The following RIMKLB variants were observed in gnomAD, a reference collection of about 807,000 sequenced individuals.
RIMKLB encodes beta-citrylglutamate synthase B.
RIMKLB carries 7 observed loss-of-function variants against 32.0 expected under a neutral mutation model. The ratio of observed to expected loss-of-function variants is 0.22; its 90% confidence interval spans 0.12 to 0.41. RIMKLB has a LOEUF of 0.41. RIMKLB is among the 10% of genes least tolerant of loss of function. The pLI is 1.00. For missense variants in RIMKLB, 289 were observed against 498.7 expected, an observed-to-expected ratio of 0.58 and a Z score of 4.00; for synonymous variants, 172 against 185.1, an observed-to-expected ratio of 0.93 and a Z score of 0.57.
rs1950610746 is a variant in RIMKLB, at chr12:8,774,450, G to A, written c.*666G>A. 2 of 985,308 alleles carry A rather than the reference G, an allele frequency of 2.0e-6. No homozygotes were observed. The highest frequency in any genetic ancestry group is 3.5e-5 in the African/African-American group (2 of 57,174). The allele number at this position is 985,308 out of a possible 1,614,324, so 61.0% of individuals were successfully genotyped here. A position where few individuals can be genotyped will look rare whatever the true frequency, so the allele number is the denominator to read the frequency against. Reference sequence around the variant, plus strand: ...AAATGGAAATGAACAGTATTGCAATGTCCGGTATACAAAATAACATTAATT... The same window carrying A: ...AAATGGAAATGAACAGTATTGCAATATCCGGTATACAAAATAACATTAATT... On this transcript the variant is annotated 3_prime_UTR_variant, in exon 6 of 6. Coordinates refer to ENST00000535829, the MANE Select transcript of RIMKLB (RefSeq NM_001297776.2).
At chr12:8,781,071 T>C (rs1251608544), downstream of RIMKLB, among the ~76,000 whole-genome samples, 1 of 152,242 alleles carries the variant, frequency 6.6e-6, no homozygotes, top group African/African-American at 2.4e-5. Flanking sequence ...CCACGTACTG[T>C]GGCTCACGCC....
chr12:8,679,329 C>CCCG (rs1381609948), upstream of RIMKLB, among the ~76,000 whole-genome samples: 1 of 151,922 alleles, frequency 6.6e-6, no homozygotes, highest in Admixed American at 6.5e-5. Flanking sequence ...ATTACAGGCA[C>CCCG]CCGCCACCAC....
intron 1 of RIMKLB, among the ~76,000 whole-genome samples, chr12:8,707,519 T>C (rs959330073): frequency 2.6e-5 from 4 of 152,188 alleles, no homozygotes; most frequent in African/African-American, 9.7e-5. Flanking sequence ...CCAATCCTTT[T>C]GGGTTTTTTG....
At chr12:8,782,809 G>T (rs948978005) in intron 7 of RIMKLB, 8 of 152,062 alleles carry the variant, frequency 5.3e-5, no homozygotes, top group African/African-American at 1.7e-4. Context: ...ATGTTTTATT[G>T]TCATGTTAGT....
intron 2 of RIMKLB, among the ~76,000 whole-genome samples, chr12:8,732,111 T>C (rs1253266591): frequency 6.6e-6 from 1 of 152,050 alleles, no homozygotes; most frequent in Non-Finnish European, 1.5e-5. Flanking sequence ...GAACTTTTAT[T>C]GTGGACTGGA....
At position 8,708,053 on chromosome 12, in the gene RIMKLB, A is replaced by C. The variant is rs894151218; in HGVS notation, c.-56-5758A>C. On this transcript the variant is annotated intron_variant, in intron 1 of 5. Transcript: ENST00000535829. ...CTATACAGATTCCACTGTGTGTTAC[A>C]GTAGAGTTCTATACAGATTCCACTG... is the stretch of plus-strand genomic sequence containing the variant. 6.6e-5 allele frequency among the ~76,000 whole-genome samples: 10 copies of C among 152,232 alleles called. No homozygotes were observed. The East Asian group carries it at 1.7e-3, about 26-fold the overall frequency.
chr12:8,693,853 C>A (rs1942804703), upstream of RIMKLB, among the ~76,000 whole-genome samples: 1 of 152,066 alleles, frequency 6.6e-6, no homozygotes, highest in Non-Finnish European at 1.5e-5. Context: ...TATTAAAATC[C>A]CCTGGAGGGC....
At chr12:8,669,896 G>A in the RIMKLB span, among the ~76,000 whole-genome samples, 12 of 151,538 alleles carry the variant, frequency 7.9e-5, no homozygotes, top group East Asian at 1.9e-4. Context: ...GCGTGGTGGC[G>A]GGTGCCTGTA....
At chr12:8,671,211 C>G in the RIMKLB span, among the ~76,000 whole-genome samples, 1 of 152,054 alleles carries the variant, frequency 6.6e-6, no homozygotes, top group African/African-American at 2.4e-5. Context: ...GTTTCTGCAG[C>G]TGGCTTGAAT....
chr12:8,748,120 A>G (rs1948269933), intron 2 of RIMKLB, among the ~76,000 whole-genome samples: 1 of 152,198 alleles, frequency 6.6e-6, no homozygotes, highest in Admixed American at 6.5e-5. Context: ...GGGAAAATAC[A>G]TACTAATAAC....
chr12:8,777,271 TA>T (rs1172429111), downstream of RIMKLB: 47 of 975,624 alleles, frequency 4.8e-5, no homozygotes, highest in African/African-American at 8.3e-4. Flanking sequence ...AAGTTTCATT[TA>T]AAATACATTT....
At position 8,723,900 on chromosome 12, in the gene RIMKLB, T is replaced by C. The variant is rs770758465; in HGVS notation, c.175+9859T>C. ...TGCAGTCCTGGCTCACTGCAACCTC[T>C]TGCCTCCTGGGCTCAAGCAATCTTT... On this transcript the variant is annotated intron_variant, in intron 2 of 5. Transcript: ENST00000535829. Among the ~76,000 whole-genome samples, 3 of 146,358 alleles carry C rather than the reference T, an allele frequency of 2.0e-5. No homozygotes were observed. The Admixed American group carries it at 2.1e-4, about 10-fold the overall frequency.
chr12:8,723,851 G>A (rs1047242953), intron 2 of RIMKLB, among the ~76,000 whole-genome samples: 26 of 113,524 alleles, frequency 2.3e-4, no homozygotes, highest in African/African-American at 8.7e-4. Context: ...TTTCTCTGTC[G>A]TTCAGGCTGC....
At chr12:8,705,762 C>T (rs1322528763) in intron 1 of RIMKLB, among the ~76,000 whole-genome samples, 1 of 152,150 alleles carries the variant, frequency 6.6e-6, no homozygotes, top group Non-Finnish European at 1.5e-5. Context: ...AGTCTGTAAA[C>T]TCAGACAGGA....
intron 2 of RIMKLB, among the ~76,000 whole-genome samples, chr12:8,737,654 T>A (rs1947135839): frequency 6.6e-6 from 1 of 152,158 alleles, no homozygotes; most frequent in Admixed American, 6.5e-5. Flanking sequence ...CCCCCCCTCA[T>A]CTCTATTATT....
chr12:8,728,716 G>A lies in RIMKLB; in HGVS notation c.175+14675G>A, dbSNP rs1288604852. 3.3e-5 allele frequency among the ~76,000 whole-genome samples: 5 copies of A among 152,112 alleles called. No individual in the cohort carries two copies. The East Asian group carries it at 9.7e-4, about 29-fold the overall frequency. On this transcript the variant is annotated intron_variant, in intron 2 of 5. Transcript: ENST00000535829. Reference sequence around the variant, plus strand: ...AACCTCCACATCCCAGGCTCAAGCAGTTTCCCACCTCAGGCTCCCTAGTAG... The same window carrying A: ...AACCTCCACATCCCAGGCTCAAGCAATTTCCCACCTCAGGCTCCCTAGTAG...
At chr12:8,778,640 C>T (rs969991014), downstream of RIMKLB, among the ~76,000 whole-genome samples, 1 of 152,194 alleles carries the variant, frequency 6.6e-6, no homozygotes, top group Non-Finnish European at 1.5e-5. Flanking sequence ...CTATCCTCTC[C>T]TCCGTCTTTA....
chr12:8,704,999 C>CACACACACACACACACACACACACAACAA (rs35908223), intron 1 of RIMKLB, among the ~76,000 whole-genome samples: 1 of 151,540 alleles, frequency 6.6e-6, no homozygotes, highest in African/African-American at 2.4e-5. Flanking sequence ...CACACACACA[C>CACACACACACACACACACACACACAACAA]AAAACCCCAA....
chr12:8,671,785 T>C, the RIMKLB span, among the ~76,000 whole-genome samples: 21,192 of 151,850 alleles, frequency 0.14, 2,035 homozygotes, highest in African/African-American at 0.27. Flanking sequence ...TGGTGGTGGG[T>C]GCCTGTAATC....
Sources: allele counts gnomAD v4.1 joint callset (sites outside exome capture counted in the v4.1 genomes callset), GRCh38; gene constraint gnomAD v4.1.1; transcripts MANE v1.5; gene names NCBI Gene and HGNC (gene_info 2026-07-23, HGNC 2026-07-21).